Variants in MAD1L1 observed in about 807,000 individuals in gnomAD.
MAD1L1 encodes the protein mitotic arrest deficient 1 like 1.
A neutral mutation model predicts 96.9 loss-of-function variants in MAD1L1; 95 were observed. The ratio of observed to expected loss-of-function variants is 0.98; its 90% confidence interval spans 0.83 to 1.16. MAD1L1 has a LOEUF of 1.16. Among genes scored for constraint, MAD1L1 ranks in the 50% most tolerant of loss-of-function variants. MAD1L1 has a pLI of 0.00. For synonymous variants in MAD1L1, 473 were observed against 396.6 expected (o/e 1.19, Z -2.29); for missense variants, 1,007 against 954.4 (o/e 1.06, Z -0.73).
chr7:2,020,588 T>C (rs1782746205), intron 12 of MAD1L1, among the ~76,000 whole-genome samples: 1 of 152,198 alleles, frequency 6.6e-6, no homozygotes, highest in Non-Finnish European at 1.5e-5. Flanking sequence ...CTCTCTCACC[T>C]GCCCGGGCTG....
intron 4 of MAD1L1, among the ~76,000 whole-genome samples, chr7:2,224,423 C>G (rs1462974277): frequency 6.6e-6 from 1 of 152,186 alleles, no homozygotes; most frequent in Non-Finnish European, 1.5e-5. Context: ...AAAGCAGCAA[C>G]GGAGCCAACC....
At chr7:1,926,475 T>C (rs184885549) in intron 17 of MAD1L1, among the ~76,000 whole-genome samples, 3 of 152,310 alleles carry the variant, frequency 2.0e-5, no homozygotes, top group Non-Finnish European at 4.4e-5. Flanking sequence ...TTACTGACGA[T>C]GTCAGCAAGA....
intron 18 of MAD1L1, among the ~76,000 whole-genome samples, chr7:1,887,634 T>A (rs957927607): frequency 8.7e-5 from 13 of 149,054 alleles, no homozygotes; most frequent in African/African-American, 3.2e-4. Flanking sequence ...GGCATGTGTG[T>A]GCATGCATGC....
chr7:2,122,346 G>T (rs550756198), intron 11 of MAD1L1, among the ~76,000 whole-genome samples: 1 of 152,276 alleles, frequency 6.6e-6, no homozygotes, highest in East Asian at 1.9e-4. Context: ...GCCAATCCCT[G>T]GCTGGGTGCA....
Position 1,931,288 on chromosome 7 carries a change from G to A in MAD1L1, c.1807+5399C>T, listed in dbSNP as rs144764390. Among the ~76,000 whole-genome samples, 689 of 152,286 alleles carry A rather than the reference G, an allele frequency of 4.5e-3. 7 individuals carry two copies. The highest frequency in any genetic ancestry group is 0.016 in the African/African-American group (664 of 41,532). On this transcript the variant is annotated intron_variant, in intron 17 of 18. Coordinates refer to ENST00000265854, the MANE Select transcript of MAD1L1 (RefSeq NM_001013836.2). ...AGCGAGGGCGCGTCGTGGGGTCCACGTCAAGGGTCTGCTGACACTGCGGGC... is the reference window on the plus strand; with the variant it reads ...AGCGAGGGCGCGTCGTGGGGTCCACATCAAGGGTCTGCTGACACTGCGGGC...
chr7:2,134,718 G>A (rs893702527), intron 11 of MAD1L1, among the ~76,000 whole-genome samples: 1 of 152,154 alleles, frequency 6.6e-6, no homozygotes, highest in Non-Finnish European at 1.5e-5. Flanking sequence ...CTCTGGAGAG[G>A]CCACCCTCTC....
chr7:1,839,603 A>C (rs529838938), intron 18 of MAD1L1, among the ~76,000 whole-genome samples: 1 of 152,342 alleles, frequency 6.6e-6, no homozygotes, highest in African/African-American at 2.4e-5. Flanking sequence ...GGCTTAGTCA[A>C]AGGAGTAACT....
intron 11 of MAD1L1, among the ~76,000 whole-genome samples, chr7:2,078,652 C>T (rs1271779243): frequency 2.6e-5 from 4 of 152,214 alleles, no homozygotes; most frequent in African/African-American, 4.8e-5. Context: ...GAGCAGCTTT[C>T]GGCTGCAGGG....
At chr7:1,859,109 G>C (rs972390230) in intron 18 of MAD1L1, among the ~76,000 whole-genome samples, 1 of 151,928 alleles carries the variant, frequency 6.6e-6, no homozygotes, top group Non-Finnish European at 1.5e-5. Flanking sequence ...AGACGGAGCA[G>C]ACCTCCACAC....
intron 18 of MAD1L1, among the ~76,000 whole-genome samples, chr7:1,852,370 C>G (rs925901888): frequency 2.0e-5 from 3 of 152,142 alleles, no homozygotes; most frequent in Admixed American, 2.0e-4. Flanking sequence ...TCTCTGCCAC[C>G]CTTAGACTCA....
intron 18 of MAD1L1, chr7:1,845,713 T>C (rs35424553): frequency 1.3e-5 from 2 of 150,450 alleles, no homozygotes; most frequent in African/African-American, 2.5e-5. Context: ...GTTTAGGAGA[T>C]GGACACGCTC....
chr7:1,846,844 G>A, intron 18 of MAD1L1: 1 of 225,442 alleles, frequency 4.4e-6, no homozygotes, highest in Non-Finnish European at 8.8e-6. Context: ...TGCAAGATGT[G>A]TGAAGTGCCT....
intron 15 of MAD1L1, among the ~76,000 whole-genome samples, chr7:1,966,800 C>T (rs1221791572): frequency 2.0e-5 from 3 of 152,370 alleles, no homozygotes; most frequent in South Asian, 2.1e-4. Flanking sequence ...ACGCCGCAAT[C>T]GTGGCGTGCT....
rs897771802 is a variant in MAD1L1, at chr7:2,088,566, G to A, written c.1074-19228C>T. On this transcript the variant is annotated intron_variant, in intron 11 of 18. Coordinates refer to ENST00000265854, the MANE Select transcript of MAD1L1 (RefSeq NM_001013836.2). This position sits in a 1 kb window ranked among gnomAD's most constrained non-coding sequence, Gnocchi z 4.4. Reference sequence around the variant, plus strand: ...TGCACATCCATCTCCCTGGGAGGCCGGGGAGATCAGGACGGTGTGGCACAG... The same window carrying A: ...TGCACATCCATCTCCCTGGGAGGCCAGGGAGATCAGGACGGTGTGGCACAG... Among the ~76,000 whole-genome samples the A allele has an allele frequency of 1.3e-5, 2 of 152,324 alleles. No individual in the cohort carries two copies. The highest frequency in any genetic ancestry group is 2.4e-5 in the African/African-American group (1 of 41,578).
chr7:2,224,968 C>A (rs758356200), intron 4 of MAD1L1, among the ~76,000 whole-genome samples: 1 of 152,204 alleles, frequency 6.6e-6, no homozygotes, highest in Non-Finnish European at 1.5e-5. Context: ...GGCATTTCTG[C>A]CAGACCTGCA....
At chr7:2,176,738 GCAAAGT>G (rs1164145706) in intron 10 of MAD1L1, among the ~76,000 whole-genome samples, 1 of 151,824 alleles carries the variant, frequency 6.6e-6, no homozygotes, top group African/African-American at 2.4e-5. Flanking sequence ...CGAGAATCCA[GCAAAGT>G]CACAGGACAC....
chr7:2,002,013 A>G, intron 14 of MAD1L1, 52 bp downstream of exon 14: 2 of 1,597,148 alleles, frequency 1.3e-6, no homozygotes, highest in South Asian at 2.2e-5. Flanking sequence ...GTCCCTGCCC[A>G]GACCCAGGGT....
chr7:1,976,765 G>T (rs1260119948), intron 15 of MAD1L1, among the ~76,000 whole-genome samples: 2 of 151,998 alleles, frequency 1.3e-5, no homozygotes, highest in Non-Finnish European at 2.9e-5. Flanking sequence ...TAGACACAGA[G>T]TGCTGATTGG....
At chr7:1,964,445 G>T (rs1415090918) in intron 15 of MAD1L1, among the ~76,000 whole-genome samples, 3 of 152,230 alleles carry the variant, frequency 2.0e-5, no homozygotes, top group East Asian at 1.9e-4. Flanking sequence ...TGCACCGAAG[G>T]GGTGCGCTTT....
Sources: gnomAD v4.1 joint callset for allele counts (sites outside exome capture counted in the v4.1 genomes callset) on GRCh38, gnomAD v4.1.1 for gene constraint, Gnocchi (gnomAD v3.1) non-coding constraint, MANE v1.5 for transcripts, NCBI Gene and HGNC (gene_info 2026-07-23, HGNC 2026-07-21) for gene names.